PLA2G6: variants seen among roughly 807,000 people sequenced by gnomAD.
PLA2G6 encodes the protein 85/88 kDa calcium-independent phospholipase A2.
In PLA2G6, 62 loss-of-function variants were observed where a neutral mutation model predicts 83.8. The ratio of observed to expected loss-of-function variants is 0.74; its 90% CI spans 0.60 to 0.91. PLA2G6 has a LOEUF of 0.91. Ranked by LOEUF, PLA2G6 falls within the 40% of genes least tolerant of loss-of-function variation. The pLI is 0.00. For synonymous variants in PLA2G6, 417 were observed against 449.8 expected (o/e 0.93, Z 0.92); for missense variants, 944 against 1,102.0 (o/e 0.86, Z 2.03).
chr22:38,170,254 A>C (rs890254631), intron 1 of PLA2G6, among the ~76,000 whole-genome samples: 5 of 151,650 alleles, frequency 3.3e-5, no homozygotes, highest in Admixed American at 6.6e-5. Flanking sequence ...AAACAAAATC[A>C]ATGTCCCCCC....
chr22:38,150,642 T>C (rs1054688209), intron 2 of PLA2G6: 3 of 152,236 alleles, frequency 2.0e-5, no homozygotes, highest in African/African-American at 7.2e-5. Context: ...TGTGCCACAT[T>C]ACACCTGTTG....
intron 12 of PLA2G6, among the ~76,000 whole-genome samples, 196 bp downstream of exon 12, chr22:38,120,563 C>T (rs1012123530): frequency 1.3e-5 from 2 of 152,204 alleles, no homozygotes; most frequent in African/African-American, 2.4e-5. Context: ...GCCCCTCCTG[C>T]GCTCAGCAGG....
intron 1 of PLA2G6, among the ~76,000 whole-genome samples, chr22:38,180,006 T>A (rs1455337015): frequency 6.6e-6 from 1 of 152,054 alleles, no homozygotes; most frequent in Non-Finnish European, 1.5e-5. Flanking sequence ...CAAAATCCAC[T>A]GTGAAAGACA....
At chr22:38,129,379 G>A in intron 8 of PLA2G6, 75 bp downstream of exon 8, 1 of 1,030,528 alleles carries the variant, frequency 9.7e-7, no homozygotes, top group East Asian at 2.4e-5. Context: ...CTGATGCCTG[G>A]GACTTCCCTC....
At chr22:38,116,039 G>C in intron 13 of PLA2G6, 36 bp downstream of exon 13, 1 of 1,611,000 alleles carries the variant, frequency 6.2e-7, no homozygotes, top group Non-Finnish European at 8.5e-7. Flanking sequence ...TCTCGGGCCA[G>C]TCGCTTCCCA....
Position 38,120,924 on chromosome 22 carries a change from G to T in PLA2G6, c.1592-15C>A, listed in dbSNP as rs2087490453. 5.0e-6 allele frequency: 8 copies of T among 1,612,750 alleles called. No homozygotes were observed. Among genetic ancestry groups the T allele is most frequent in the Non-Finnish European group, 5.9e-6 (7 of 1,179,934 alleles). ...CATGGACTTACCTAGGAACAAAGGG[G>T]TCAGAGGCGGGGAGATGCAGCGGCC... On this transcript the variant is annotated splice_polypyrimidine_tract_variant and intron_variant, in intron 11 of 16. Transcript: ENST00000332509.
chr22:38,120,729 C>G, intron 12 of PLA2G6, 30 bp downstream of exon 12: 1 of 1,611,586 alleles, frequency 6.2e-7, no homozygotes, highest in Non-Finnish European at 8.5e-7. Context: ...GGCACAGCTG[C>G]GGCCACGGCC....
intron 1 of PLA2G6, among the ~76,000 whole-genome samples, chr22:38,169,791 G>T (rs1322715115): frequency 6.6e-6 from 1 of 152,206 alleles, no homozygotes; most frequent in Non-Finnish European, 1.5e-5. Context: ...TGTAGTGTGT[G>T]GTATTGACCA....
intron 12 of PLA2G6, among the ~76,000 whole-genome samples, chr22:38,116,623 G>C (rs954205962): frequency 1.3e-5 from 2 of 152,054 alleles, no homozygotes; most frequent in African/African-American, 4.8e-5. Context: ...GGGAGGCCGA[G>C]GCAGGTGGAT....
At chr22:38,118,981 C>T (rs1473313265) in intron 12 of PLA2G6, among the ~76,000 whole-genome samples, 6 of 152,076 alleles carry the variant, frequency 3.9e-5, no homozygotes, top group South Asian at 2.1e-4. Flanking sequence ...AGGCTGGTCT[C>T]GACCTCCTGG....
chr22:38,168,279 C>A (rs576305085), intron 2 of PLA2G6, among the ~76,000 whole-genome samples: 1 of 152,356 alleles, frequency 6.6e-6, no homozygotes, highest in East Asian at 1.9e-4. Context: ...GACAGGACAG[C>A]CAGATGGATA....
chr22:38,126,566 C>T, intron 9 of PLA2G6, 117 bp from the exon 10 acceptor site: 1 of 734,440 alleles, frequency 1.4e-6, no homozygotes. Context: ...CCTCATCCCC[C>T]CACTCCCCCT....
In PLA2G6 at chr22:38,129,437, G is replaced by C. The variant is rs775654871; in HGVS notation, c.1186+17C>G. ...CAACCCTCACCCCACTCCAGCCCCA[G>C]AGTGCAGAGCACATACGTCTGCCGA... On this transcript the variant is annotated intron_variant, in intron 8 of 16. Transcript: ENST00000332509. 169 of 1,537,852 alleles carry C rather than the reference G, an allele frequency of 1.1e-4. 1 individual carries two copies. The highest frequency in any genetic ancestry group is 1.8e-4 in the Admixed American group (11 of 59,936).
At chr22:38,141,483 C>T (rs11704062) in intron 4 of PLA2G6, 1 of 152,352 alleles carries the variant, frequency 6.6e-6, no homozygotes, top group African/African-American at 2.4e-5. Context: ...CCCACTGGAC[C>T]TGAAGGCAGG....
intron 8 of PLA2G6, among the ~76,000 whole-genome samples, chr22:38,129,139 C>T (rs912202657): frequency 2.3e-4 from 35 of 152,382 alleles, no homozygotes; most frequent in African/African-American, 7.7e-4. Flanking sequence ...AATTCCCCAA[C>T]GGTGGGGAAA....
At chr22:38,143,439 G>A in intron 3 of PLA2G6, 151 bp from the exon 4 acceptor site, 1 of 758,730 alleles carries the variant, frequency 1.3e-6, no homozygotes, top group South Asian at 1.4e-5. Flanking sequence ...AGCTAGTTGG[G>A]CTGATTTGAA....
chr22:38,169,517 G>A, intron 1 of PLA2G6, 46 bp from the exon 2 acceptor site: 1 of 1,085,514 alleles, frequency 9.2e-7, no homozygotes, highest in Non-Finnish European at 1.4e-6. Context: ...AGTCTCCCAT[G>A]CCCATCTCAC....
Position 38,128,806 on chromosome 22 carries a change from G to A in PLA2G6, c.1187-376C>T, listed in dbSNP as rs2088029534. 6.6e-6 allele frequency among the ~76,000 whole-genome samples: 1 copy of A among 152,252 alleles called. No individual in the cohort carries two copies. The highest frequency in any genetic ancestry group is 2.1e-4 in the South Asian group (1 of 4,832). ...CCAAAGGGACTAATGAGCCAGCCAG[G>A]GGGCACCTACTCCATTTGATGGATG... On this transcript the variant is annotated intron_variant, in intron 8 of 16. Coordinates refer to ENST00000332509, the MANE Select transcript of PLA2G6 (RefSeq NM_003560.4). This position sits in a 1 kb window ranked among gnomAD's most constrained non-coding sequence, Gnocchi z 4.4.
intron 2 of PLA2G6, among the ~76,000 whole-genome samples, chr22:38,162,843 G>A (rs887520495): frequency 3.3e-5 from 5 of 152,180 alleles, no homozygotes; most frequent in African/African-American, 1.2e-4. Flanking sequence ...TGCGGGGCAA[G>A]CGGGTCCTTC....
Sources: gnomAD v4.1 joint callset for allele counts (sites outside exome capture counted in the v4.1 genomes callset) on GRCh38, gnomAD v4.1.1 for gene constraint, Gnocchi (gnomAD v3.1) non-coding constraint, MANE v1.5 for transcripts, NCBI Gene and HGNC (gene_info 2026-07-23, HGNC 2026-07-21) for gene names.